The following TAF6 variants were observed in gnomAD, a reference collection of about 807,000 sequenced individuals.
TAF6 encodes TATA-box binding protein associated factor 6.
Under a neutral mutation model 73.5 loss-of-function variants are expected in TAF6, and 50 were observed. That is an observed-to-expected ratio of 0.68 (90% CI 0.54 to 0.86). The LOEUF (loss-of-function observed/expected upper bound fraction) is 0.86, where lower values mean the gene tolerates loss of function less well. Ranked by LOEUF, TAF6 falls within the 40% of genes least tolerant of loss-of-function variation. The pLI, the probability that TAF6 is intolerant of heterozygous loss-of-function variation, is 0.00. For synonymous variants in TAF6, 424 were observed against 376.7 expected, an observed-to-expected ratio of 1.13 and a Z score of -1.45; for missense variants, 768 against 899.5, an observed-to-expected ratio of 0.85 and a Z score of 1.87.
chr7:100,125,642 C>A, the TAF6 span: 2 of 151,258 alleles, frequency 1.3e-5, no homozygotes, highest in African/African-American at 4.8e-5. Context: ...CCCAATTCTA[C>A]ACACACACAC....
chr7:100,109,592 G>C (rs2116745134), intron 12 of TAF6, among the ~76,000 whole-genome samples: 1 of 151,384 alleles, frequency 6.6e-6, no homozygotes. Context: ...GAACTCCTGG[G>C]TTCAAGCAAT....
intron 10 of TAF6, 176 bp from the exon 11 acceptor site, chr7:100,110,450 T>C: frequency 1.8e-6 from 1 of 568,090 alleles, no homozygotes; most frequent in Non-Finnish European, 3.1e-6. Context: ...GCAGATCACC[T>C]GAGGTCAGGA....
At chr7:100,112,081 G>A in intron 7 of TAF6, 27 bp downstream of exon 7, 1 of 1,613,606 alleles carries the variant, frequency 6.2e-7, no homozygotes, top group Non-Finnish European at 8.5e-7. Flanking sequence ...GCGTCTCAGG[G>A]CCAGGGCAAG....
At chr7:100,119,899 G>A (rs780676444), upstream of TAF6, 1 of 1,546,602 alleles carries the variant, frequency 6.5e-7, no homozygotes, top group Non-Finnish European at 8.8e-7. Flanking sequence ...GCATCGCCCG[G>A]CCACACCTCC....
At chr7:100,110,144 C>T in intron 11 of TAF6, 56 bp downstream of exon 11, 1 of 1,614,022 alleles carries the variant, frequency 6.2e-7, no homozygotes, top group African/African-American at 1.3e-5. Flanking sequence ...GTACAGTGCC[C>T]TCTATAACCT....
the TAF6 span, among the ~76,000 whole-genome samples, chr7:100,125,813 G>A: frequency 1.3e-5 from 2 of 152,152 alleles, no homozygotes; most frequent in South Asian, 4.1e-4. Context: ...GGAGGCCGAG[G>A]CAGGCGGATC....
chr7:100,119,428 C>T (rs1008675194), upstream of TAF6: 3 of 1,234,350 alleles, frequency 2.4e-6, no homozygotes, highest in African/African-American at 3.2e-5. Context: ...AGAATAAGTC[C>T]TCTAGGCTCG....
intron 1 of TAF6, chr7:100,115,187 C>G (rs375835654): frequency 4.9e-4 from 75 of 152,200 alleles, no homozygotes; most frequent in African/African-American, 1.7e-3. Context: ...TCTGTTACAC[C>G]TCAGGGCTTC....
chr7:100,125,659 A>C, the TAF6 span: 4 of 152,114 alleles, frequency 2.6e-5, no homozygotes, highest in African/African-American at 9.7e-5. Flanking sequence ...ACACACACAC[A>C]AAGAAGACTG....
At chr7:100,123,688 T>C (rs1248763726), upstream of TAF6, among the ~76,000 whole-genome samples, 1 of 151,946 alleles carries the variant, frequency 6.6e-6, no homozygotes, top group Admixed American at 6.6e-5. Context: ...GCCCAGCTAA[T>C]TTTTTGTAAT....
upstream of TAF6, chr7:100,119,443 A>G: frequency 7.9e-7 from 1 of 1,273,402 alleles, no homozygotes; most frequent in South Asian, 1.8e-5. Flanking sequence ...GGCTCGCAGA[A>G]TGAAATTATA....
rs4134917 is a variant in TAF6 at position 100,110,327 on chromosome 7, C to T, written c.1084-53G>A. ...TGAAGGGGTCTGAAAGGATGATTGA[C>T]AGGGACCTAAGTCTTTCATAGACAC... On this transcript the variant is annotated intron_variant, in intron 10 of 14. Coordinates refer to ENST00000453269, the MANE Select transcript of TAF6 (RefSeq NM_139315.3). 925,625 of 1,588,694 alleles carry T rather than the reference C, an allele frequency of 0.58. 273,060 individuals carry two copies. The highest frequency in any genetic ancestry group is 0.87 in the East Asian group (38,704 of 44,740).
rs1372054088 is a variant in TAF6 at position 100,112,819 on chromosome 7, C to T, written c.553G>A (p.Ala185Thr). The T allele has an allele frequency of 1.2e-6, 2 of 1,613,496 alleles. No homozygotes were observed. Among genetic ancestry groups the T allele is most frequent in the African/African-American group, 2.7e-5 (2 of 74,940 alleles). ...DGPLKGKGQG[A>T]TTADGKGKEK... ...TGACCTTTGCCGTCGGCTGTGGTGG[C>T]CCCTTGACCTTTGCCCTTCAGGGGT... Residue 185 changes from alanine (A) to threonine (T), a missense_variant, in exon 6 of 15, where the codon GCC becomes ACC. Ala to Thr is a moderately conservative substitution (Grantham distance 58). Transcript: ENST00000453269.
intron 10 of TAF6, 84 bp downstream of exon 10, chr7:100,111,054 TC>T: frequency 2.7e-6 from 4 of 1,494,082 alleles, no homozygotes; most frequent in Non-Finnish European, 3.7e-6. Flanking sequence ...CCCTCTTCCC[TC>T]TGCCCCCTTG....
At position 100,111,926 on chromosome 7, in the gene TAF6, T is replaced by C. The variant is rs1210051543; in HGVS notation, c.794A>G (p.Glu265Gly). Residue 265 changes from glutamate to glycine, a missense_variant, in exon 8 of 15, where the codon GAG becomes GGG. By Grantham distance (98) the Glu-to-Gly change is moderately conservative (BLOSUM62 -2). Coordinates refer to ENST00000453269, the MANE Select transcript of TAF6 (RefSeq NM_139315.3). ...MLPRFSTFIS[E>G]GVRVNVVQNN... ...TGTGGAACCTCATGCTCTCACCCCC[T>C]CCGAGATAAAGGTACTGAACCGTGG... The C allele has an allele frequency of 1.2e-6, 2 of 1,613,958 alleles. No individual in the cohort carries two copies. The highest frequency in any genetic ancestry group is 4.5e-5 in the East Asian group (2 of 44,872).
intron 9 of TAF6, 69 bp downstream of exon 9, chr7:100,111,659 C>A: frequency 6.6e-7 from 1 of 1,522,378 alleles, no homozygotes; most frequent in East Asian, 2.3e-5. Context: ...CCACTGCTGA[C>A]CACTGACTTC....
At chr7:100,109,721 T>C (rs959405863) in intron 12 of TAF6, among the ~76,000 whole-genome samples, 1 of 151,852 alleles carries the variant, frequency 6.6e-6, no homozygotes, top group African/African-American at 2.4e-5. Flanking sequence ...CTCATACTCC[T>C]AGGCTCCCAG....
In TAF6 at chr7:100,111,965, A is replaced by G; in HGVS notation, c.755T>C (p.Leu252Pro). 1 of 1,613,912 alleles carries G rather than the reference A, an allele frequency of 6.2e-7. No homozygotes were observed. ...ACTGAACCGTGGCAGCATCTGATAC[A>G]GTCCAGGGTCCGTGGCAATGCTTTG... ...ALQSIATDPG[L>P]YQMLPRFSTF... Residue 252 changes from leucine (L) to proline (P), a missense_variant, in exon 8 of 15, where the codon CTG becomes CCG. Leu to Pro is a moderately conservative substitution (Grantham distance 98). Coordinates refer to ENST00000453269, the MANE Select transcript of TAF6 (RefSeq NM_139315.3).
chr7:100,108,676 G>T, intron 12 of TAF6, 136 bp from the exon 13 acceptor site: 1 of 915,266 alleles, frequency 1.1e-6, no homozygotes, highest in Non-Finnish European at 1.6e-6. Context: ...CAGTGCCCCT[G>T]TTGAAGGCCA....
Sources: allele counts gnomAD v4.1 joint callset (sites outside exome capture counted in the v4.1 genomes callset), GRCh38; gene constraint gnomAD v4.1.1; transcripts MANE v1.5; gene names NCBI Gene and HGNC (gene_info 2026-07-23, HGNC 2026-07-21).